The following BNC2 variants were observed in gnomAD, a reference collection of about 807,000 sequenced individuals.
BNC2 encodes the protein basonuclin zinc finger protein 2.
Under a neutral mutation model 76.3 loss-of-function variants are expected in BNC2, and 20 were observed. The observed-to-expected ratio is 0.26, with a 90% CI of 0.18 to 0.38. BNC2 has a LOEUF of 0.38. Among genes scored for constraint, BNC2 ranks in the 10% least tolerant of loss-of-function variants. The pLI is 1.00. For synonymous variants in BNC2, 582 were observed against 514.8 expected, an observed-to-expected ratio of 1.13 and a Z score of -1.77; for missense variants, 1,382 against 1,399.8, an observed-to-expected ratio of 0.99 and a Z score of 0.20.
At chr9:16,643,104 ACC>A (rs1821532987) in intron 3 of BNC2, among the ~76,000 whole-genome samples, 1 of 152,056 alleles carries the variant, frequency 6.6e-6, no homozygotes, top group African/African-American at 2.4e-5. Flanking sequence ...ATGATCACAG[ACC>A]TGTCTTTTCT....
chr9:16,868,454 G>GA (rs1477333194), intron 1 of BNC2, among the ~76,000 whole-genome samples: 1 of 152,142 alleles, frequency 6.6e-6, no homozygotes, highest in Non-Finnish European at 1.5e-5. Flanking sequence ...CAGGTAGTAG[G>GA]AATGTACTGC....
At chr9:16,741,773 C>A (rs886876290) in intron 1 of BNC2, among the ~76,000 whole-genome samples, 1 of 151,998 alleles carries the variant, frequency 6.6e-6, no homozygotes, top group African/African-American at 2.4e-5. Flanking sequence ...GCCTGGCCAA[C>A]GTGGTGAAAC....
intron 3 of BNC2, among the ~76,000 whole-genome samples, chr9:16,608,734 T>C (rs7040220): frequency 0.052 from 7,958 of 152,138 alleles, 756 homozygotes; most frequent in African/African-American, 0.18. Context: ...AATAGATAAG[T>C]TGATGTCATG....
At chr9:16,868,850 TCTCA>T (rs568254914) in intron 1 of BNC2, among the ~76,000 whole-genome samples, 120 of 152,288 alleles carry the variant, frequency 7.9e-4, no homozygotes, top group African/African-American at 2.8e-3. Flanking sequence ...TTGTACAAGG[TCTCA>T]CTACTAGGGT....
rs1239394366 is a variant in BNC2 at position 16,574,936 on chromosome 9, C to G, written c.433+8047G>C. Among the ~76,000 whole-genome samples the G allele has an allele frequency of 2.6e-5, 4 of 152,162 alleles. No individual in the cohort carries two copies. In the East Asian group the frequency reaches 7.7e-4, roughly 29 times the overall value. Reference sequence around the variant, plus strand: ...GAAGGGATTTGACCACTGGCCTGGCCACACCCAACTTTTAATCACTCTACT... The same window carrying G: ...GAAGGGATTTGACCACTGGCCTGGCGACACCCAACTTTTAATCACTCTACT... On this transcript the variant is annotated intron_variant, in intron 4 of 6. Coordinates refer to ENST00000380672, the MANE Select transcript of BNC2 (RefSeq NM_017637.6).
intron 3 of BNC2, among the ~76,000 whole-genome samples, chr9:16,691,961 C>T (rs1823186333): frequency 6.6e-6 from 1 of 151,948 alleles, no homozygotes; most frequent in African/African-American, 2.4e-5. Context: ...CAGGTGCCTG[C>T]CACCATGCCT....
At chr9:16,580,294 A>G (rs1303745265) in intron 4 of BNC2, 1 of 397,152 alleles carries the variant, frequency 2.5e-6, no homozygotes, top group Admixed American at 4.4e-5. Context: ...TGTGGGATTC[A>G]CATGCTTGGG....
Position 16,436,997 on chromosome 9 carries a change from T to G in BNC2, c.1197A>C (p.Pro399=), listed in dbSNP as rs376451814. The G allele has an allele frequency of 6.2e-7, 1 of 1,614,140 alleles. No homozygotes were observed. The highest frequency in any genetic ancestry group is 8.5e-7 in the Non-Finnish European group (1 of 1,180,024). Residue 399 remains proline (P), a synonymous_variant, in exon 6 of 7, where the codon CCA becomes CCC. Transcript: ENST00000380672. ...AATTCTGAATGGGAGAGACACAGGC[T>G]GGCTCGGTTTTGGGCTCCACATTAG... ...SITNVEPKTE[P]ACVSPIQNSA...
intron 1 of BNC2, among the ~76,000 whole-genome samples, chr9:16,836,265 G>C (rs536910411): frequency 6.6e-6 from 1 of 152,226 alleles, no homozygotes; most frequent in African/African-American, 2.4e-5. Flanking sequence ...TCATGGCGCT[G>C]CTTTCAAAAA....
intron 5 of BNC2, among the ~76,000 whole-genome samples, chr9:16,453,784 C>T (rs996260753): frequency 3.9e-5 from 6 of 152,128 alleles, no homozygotes; most frequent in East Asian, 1.9e-4. Flanking sequence ...GCCACTTTCC[C>T]GAGTGACAGA....
intron 6 of BNC2, among the ~76,000 whole-genome samples, chr9:16,423,617 A>G (rs1043883676): frequency 2.0e-5 from 3 of 152,244 alleles, no homozygotes; most frequent in African/African-American, 7.2e-5. Flanking sequence ...TGAGTCTTCA[A>G]AAAGTATTTC....
At chr9:16,427,149 T>C (rs1306250458) in intron 6 of BNC2, among the ~76,000 whole-genome samples, 1 of 152,216 alleles carries the variant, frequency 6.6e-6, no homozygotes, top group Non-Finnish European at 1.5e-5. Flanking sequence ...GCCCTTGGGA[T>C]TGTCAAAGTG....
At chr9:16,448,399 C>G (rs1260925959) in intron 5 of BNC2, among the ~76,000 whole-genome samples, 1 of 152,070 alleles carries the variant, frequency 6.6e-6, no homozygotes, top group Non-Finnish European at 1.5e-5. Context: ...TTGAACAATT[C>G]AAGGCTACAA....
At chr9:16,805,121 A>G (rs1291923023) in intron 1 of BNC2, among the ~76,000 whole-genome samples, 1 of 152,104 alleles carries the variant, frequency 6.6e-6, no homozygotes, top group Non-Finnish European at 1.5e-5. Context: ...GATCAATATA[A>G]AACTATCTCG....
chr9:16,711,417 C>A (rs2134727903), intron 3 of BNC2, among the ~76,000 whole-genome samples: 1 of 152,178 alleles, frequency 6.6e-6, no homozygotes, highest in South Asian at 2.1e-4. Flanking sequence ...AGTTTACATC[C>A]ACTTAAAAAG....
rs528509807 is a variant in BNC2, at chr9:16,819,458, T to C, written c.3+51188A>G. Among the ~76,000 whole-genome samples, 3 of 152,048 alleles carry C rather than the reference T, an allele frequency of 2.0e-5. No individual in the cohort carries two copies. In the South Asian group the frequency reaches 6.2e-4, roughly 32 times the overall value. On this transcript the variant is annotated intron_variant, in intron 1 of 6. Coordinates refer to ENST00000380672, the MANE Select transcript of BNC2 (RefSeq NM_017637.6). ...TGGGTGGATCACCTGAGGTCTGGAG[T>C]TCGAGACCAGCCTGGCCAACATGGT...
chr9:16,463,507 A>G (rs372054691), intron 5 of BNC2, among the ~76,000 whole-genome samples: 14,140 of 142,130 alleles, frequency 0.099, 885 homozygotes, highest in African/African-American at 0.11. Flanking sequence ...CGTTTTAGCC[A>G]GGATGGTCTC....
At chr9:16,682,488 A>G (rs901187746) in intron 3 of BNC2, among the ~76,000 whole-genome samples, 2 of 152,050 alleles carry the variant, frequency 1.3e-5, no homozygotes, top group South Asian at 2.1e-4. Context: ...TTACAGGAAC[A>G]GTGTCATCAC....
chr9:16,460,102 T>G (rs973603147), intron 5 of BNC2, among the ~76,000 whole-genome samples: 1 of 152,186 alleles, frequency 6.6e-6, no homozygotes, highest in African/African-American at 2.4e-5. Flanking sequence ...ATAACAATTA[T>G]CAAAGTACCA....
Sources: allele counts gnomAD v4.1 joint callset (sites outside exome capture counted in the v4.1 genomes callset), GRCh38; gene constraint gnomAD v4.1.1; transcripts MANE v1.5; gene names NCBI Gene and HGNC (gene_info 2026-07-23, HGNC 2026-07-21).